Variants in SLMAP observed in about 807,000 individuals in gnomAD.
SLMAP encodes sarcolemma associated protein, also known as sarcolemmal membrane-associated protein.
SLMAP carries 44 observed loss-of-function variants against 128.8 expected under a neutral mutation model. That is an observed-to-expected ratio of 0.34 (90% CI 0.27 to 0.44). The LOEUF (loss-of-function observed/expected upper bound fraction) is 0.44. Ranked by LOEUF, SLMAP falls within the 20% of genes least tolerant of loss-of-function variation. The probability of loss-of-function intolerance (pLI) is 1.00; values close to 1 mark genes in which losing one functional copy is unlikely to be tolerated. For synonymous variants in SLMAP, 327 were observed against 348.8 expected (o/e 0.94, Z 0.70); for missense variants, 787 against 985.3 (o/e 0.80, Z 2.69).
chr3:57,843,775 C>CTTTTTTTTTTTTTTTT (rs775541858), intron 4 of SLMAP, among the ~76,000 whole-genome samples: 30 of 77,136 alleles, frequency 3.9e-4, no homozygotes, highest in East Asian at 9.2e-4. Flanking sequence ...TCTTTTCTTT[C>CTTTTTTTTTTTTTTTT]TTTTTTTTTT....
intron 4 of SLMAP, among the ~76,000 whole-genome samples, chr3:57,842,277 G>T (rs7646847): frequency 0.23 from 34,498 of 151,662 alleles, 4,773 homozygotes; most frequent in Non-Finnish European, 0.31. Context: ...ACTTTTCCTT[G>T]TTTGTTTACT....
chr3:57,801,730 G>A (rs2088460101), intron 2 of SLMAP, among the ~76,000 whole-genome samples: 1 of 150,720 alleles, frequency 6.6e-6, no homozygotes, highest in Admixed American at 6.6e-5. Context: ...TATTTCTTTA[G>A]GGTAGATTCT....
intron 2 of SLMAP, among the ~76,000 whole-genome samples, chr3:57,814,398 C>G (rs562341058): frequency 2.6e-5 from 4 of 152,202 alleles, no homozygotes; most frequent in African/African-American, 9.6e-5. Flanking sequence ...ACCTCAACCG[C>G]TCAAATTGCT....
chr3:57,830,590 T>C (rs1239616495), intron 2 of SLMAP, among the ~76,000 whole-genome samples: 1 of 152,192 alleles, frequency 6.6e-6, no homozygotes, highest in Non-Finnish European at 1.5e-5. Context: ...ATAGGTAGGC[T>C]TCTTGTGCCT....
intron 15 of SLMAP, among the ~76,000 whole-genome samples, chr3:57,893,445 G>GAA (rs111543189): frequency 7.4e-6 from 1 of 134,778 alleles, no homozygotes. Flanking sequence ...AGAAAGAAAA[G>GAA]AAAAAAAAAA....
At chr3:57,799,344 A>G (rs1296728042) in intron 2 of SLMAP, among the ~76,000 whole-genome samples, 2 of 152,218 alleles carry the variant, frequency 1.3e-5, no homozygotes, top group African/African-American at 4.8e-5. Context: ...TGATGGAGGA[A>G]AAGGCTTTTG....
intron 2 of SLMAP, among the ~76,000 whole-genome samples, chr3:57,818,513 T>A (rs2092169090): frequency 6.6e-6 from 1 of 152,036 alleles, no homozygotes; most frequent in African/African-American, 2.4e-5. Flanking sequence ...CTCATGAGAG[T>A]GTTATATAGA....
intron 3 of SLMAP, 149 bp downstream of exon 3, chr3:57,831,679 T>C (rs772303948): frequency 4.1e-6 from 2 of 491,418 alleles, no homozygotes; most frequent in Non-Finnish European, 6.8e-6. Context: ...AGTCTCATAC[T>C]TTCCGTATTG....
chr3:57,917,245 C>T, intron 22 of SLMAP, 168 bp downstream of exon 22: 1 of 1,473,436 alleles, frequency 6.8e-7, no homozygotes, highest in Admixed American at 2.4e-5. Flanking sequence ...ATATCATGGT[C>T]CATATGTAGA....
At chr3:57,780,993 T>G (rs980937275) in intron 2 of SLMAP, among the ~76,000 whole-genome samples, 4 of 149,058 alleles carry the variant, frequency 2.7e-5, no homozygotes, top group African/African-American at 9.8e-5. Context: ...TATATATACC[T>G]ATGTATGCAC....
intron 14 of SLMAP, among the ~76,000 whole-genome samples, chr3:57,886,580 GTT>G (rs769814401): frequency 1.4e-5 from 2 of 138,568 alleles, no homozygotes; most frequent in Non-Finnish European, 3.1e-5. Flanking sequence ...AAGGCAAGAG[GTT>G]TTTTTTTTTT....
chr3:57,865,368 G>T, intron 13 of SLMAP, 76 bp downstream of exon 13: 1 of 586,510 alleles, frequency 1.7e-6, no homozygotes, highest in East Asian at 3.0e-5. Flanking sequence ...AGGAGTTCAG[G>T]GTTTTAAGTG....
intron 2 of SLMAP, among the ~76,000 whole-genome samples, chr3:57,811,303 C>T (rs568577616): frequency 2.6e-5 from 4 of 152,166 alleles, no homozygotes; most frequent in African/African-American, 7.2e-5. Flanking sequence ...GATTTTGGAC[C>T]CCTGAAACTA....
intron 13 of SLMAP, among the ~76,000 whole-genome samples, chr3:57,869,807 C>G (rs895562109): frequency 2.0e-5 from 3 of 150,544 alleles, no homozygotes; most frequent in African/African-American, 7.3e-5. Flanking sequence ...AATCATTGTA[C>G]ATTTGTTTTA....
intron 14 of SLMAP, among the ~76,000 whole-genome samples, chr3:57,881,777 C>T (rs1484712782): frequency 1.3e-5 from 2 of 152,088 alleles, no homozygotes; most frequent in African/African-American, 2.4e-5. Context: ...TCTTTATTTA[C>T]AGGCCTCTAG....
chr3:57,802,887 C>T (rs2088884261), intron 2 of SLMAP, among the ~76,000 whole-genome samples: 1 of 151,972 alleles, frequency 6.6e-6, no homozygotes, highest in African/African-American at 2.4e-5. Flanking sequence ...GCCTGGAGCC[C>T]ATTTAATTTT....
At chr3:57,834,891 G>A (rs1454480407) in intron 3 of SLMAP, among the ~76,000 whole-genome samples, 1 of 152,144 alleles carries the variant, frequency 6.6e-6, no homozygotes, top group African/African-American at 2.4e-5. Flanking sequence ...GGAGTCTGAG[G>A]CAGGTGGATT....
intron 2 of SLMAP, among the ~76,000 whole-genome samples, chr3:57,786,731 A>ATTTTTTTTTTTT (rs35138483): frequency 1.1e-5 from 1 of 88,764 alleles, no homozygotes; most frequent in Non-Finnish European, 2.2e-5. Context: ...TAGTCTTTGT[A>ATTTTTTTTTTTT]TTTTTTTTTT....
chr3:57,877,148 G>GT (rs1292825746), intron 14 of SLMAP, among the ~76,000 whole-genome samples: 1 of 151,358 alleles, frequency 6.6e-6, no homozygotes, highest in African/African-American at 2.4e-5. Context: ...ATGTCTTACT[G>GT]TTTTTTTCCT....
Sources: allele counts gnomAD v4.1 joint callset (sites outside exome capture counted in the v4.1 genomes callset), GRCh38; gene constraint gnomAD v4.1.1; transcripts MANE v1.5; gene names NCBI Gene and HGNC (gene_info 2026-07-23, HGNC 2026-07-21).